Variants in AKAP19 observed in about 807,000 individuals in gnomAD.
AKAP19 encodes small A-kinase anchoring protein.
the AKAP19 span, among the ~76,000 whole-genome samples, chr2:190,071,213 C>T: frequency 6.6e-6 from 1 of 151,958 alleles, no homozygotes; most frequent in Non-Finnish European, 1.5e-5. Context: ...TTTGAGAGAC[C>T]GAGGCAGGAG....
chr2:190,054,789 C>T, the AKAP19 span, among the ~76,000 whole-genome samples: 2 of 152,214 alleles, frequency 1.3e-5, no homozygotes, highest in African/African-American at 4.8e-5. Context: ...TACCATCTCA[C>T]ACCAGCTAGA....
chr2:189,927,805 G>C, the AKAP19 span, among the ~76,000 whole-genome samples: 1 of 152,074 alleles, frequency 6.6e-6, no homozygotes, highest in African/African-American at 2.4e-5. Flanking sequence ...GCCATATGTG[G>C]CTATTTAAAT....
the AKAP19 span, among the ~76,000 whole-genome samples, chr2:189,914,764 G>A: frequency 2.0e-5 from 3 of 152,032 alleles, no homozygotes; most frequent in Non-Finnish European, 2.9e-5. Context: ...TATATGAAAG[G>A]TATTGTGTGA....
chr2:189,975,227 C>T, the AKAP19 span, among the ~76,000 whole-genome samples: 1,756 of 152,226 alleles, frequency 0.012, 30 homozygotes, highest in African/African-American at 0.04. Context: ...TTTTATTTCT[C>T]CTTCACTTAT....
the AKAP19 span, among the ~76,000 whole-genome samples, chr2:190,137,492 G>C: frequency 3.3e-4 from 51 of 152,276 alleles, no homozygotes; most frequent in East Asian, 7.7e-3. Context: ...GAAATATGTA[G>C]CTTTCAGACT....
chr2:189,944,711 C>T, the AKAP19 span, among the ~76,000 whole-genome samples: 3 of 152,112 alleles, frequency 2.0e-5, no homozygotes, highest in Admixed American at 1.3e-4. Flanking sequence ...AATTAACAAA[C>T]ATCAAAGTTA....
the AKAP19 span, among the ~76,000 whole-genome samples, chr2:190,038,892 CT>C: frequency 2.4e-5 from 1 of 42,400 alleles, no homozygotes. Flanking sequence ...TTCTTTCTTT[CT>C]TTCTTTCTTT....
chr2:190,142,526 A>T, the AKAP19 span, among the ~76,000 whole-genome samples: 1 of 152,210 alleles, frequency 6.6e-6, no homozygotes, highest in African/African-American at 2.4e-5. Flanking sequence ...ACTCCTTGAC[A>T]TCCACAATTC....
At chr2:190,009,491 G>C in the AKAP19 span, among the ~76,000 whole-genome samples, 1 of 152,170 alleles carries the variant, frequency 6.6e-6, no homozygotes, top group African/African-American at 2.4e-5. Flanking sequence ...GTAAGGTTTT[G>C]GTTCTAAGCA....
At chr2:189,886,203 A>G in the AKAP19 span, among the ~76,000 whole-genome samples, 1 of 152,150 alleles carries the variant, frequency 6.6e-6, no homozygotes, top group African/African-American at 2.4e-5. Context: ...TATAGATCTA[A>G]TTTGTTGCTT....
chr2:190,024,005 A>G, the AKAP19 span, among the ~76,000 whole-genome samples: 6 of 152,040 alleles, frequency 3.9e-5, no homozygotes, highest in East Asian at 1.2e-3. Flanking sequence ...TTGTACCTAT[A>G]AACGTATACC....
At chr2:189,880,665 A>T in the AKAP19 span, among the ~76,000 whole-genome samples, 1 of 152,204 alleles carries the variant, frequency 6.6e-6, no homozygotes, top group Non-Finnish European at 1.5e-5. Context: ...AAGGAAGGGC[A>T]GTTTCTTGGA....
the AKAP19 span, among the ~76,000 whole-genome samples, chr2:190,170,373 A>T: frequency 3.3e-5 from 5 of 152,350 alleles, no homozygotes. Flanking sequence ...CAGATGTGGT[A>T]CAGATTTTCT....
At chr2:190,102,069 T>G in the AKAP19 span, among the ~76,000 whole-genome samples, 1 of 152,058 alleles carries the variant, frequency 6.6e-6, no homozygotes, top group African/African-American at 2.4e-5. Flanking sequence ...CACTAATACA[T>G]GGAAATTAAA....
the AKAP19 span, chr2:190,056,055 C>T: frequency 6.6e-6 from 1 of 152,238 alleles, no homozygotes; most frequent in African/African-American, 2.4e-5. Flanking sequence ...ATCATGAATC[C>T]ATAAGTGAAT....
chr2:189,902,311 T>C, the AKAP19 span, among the ~76,000 whole-genome samples: 3 of 152,004 alleles, frequency 2.0e-5, no homozygotes, highest in East Asian at 5.8e-4. Flanking sequence ...GCATAGTCTC[T>C]TCTTTGTTTT....
chr2:190,158,920 G>A, the AKAP19 span, among the ~76,000 whole-genome samples: 6 of 152,220 alleles, frequency 3.9e-5, no homozygotes, highest in African/African-American at 1.4e-4. Context: ...CTCAGGGGAG[G>A]CCCAGGATTC....
chr2:189,949,764 T>C, the AKAP19 span, among the ~76,000 whole-genome samples: 1 of 150,990 alleles, frequency 6.6e-6, no homozygotes, highest in Admixed American at 6.6e-5. Flanking sequence ...CACGAGTAGC[T>C]GGGACTACAG....
At chr2:190,114,630 G>T in the AKAP19 span, among the ~76,000 whole-genome samples, 1 of 152,012 alleles carries the variant, frequency 6.6e-6, no homozygotes, top group African/African-American at 2.4e-5. Context: ...TAATTTTTTT[G>T]TACTTTTAGT....
Sources: allele counts gnomAD v4.1 joint callset (sites outside exome capture counted in the v4.1 genomes callset), GRCh38; gene constraint gnomAD v4.1.1; transcripts MANE v1.5; gene names NCBI Gene and HGNC (gene_info 2026-07-23, HGNC 2026-07-21).